HS3ST5: variants seen among roughly 807,000 people sequenced by gnomAD.
HS3ST5 encodes heparan sulfate glucosamine 3-O-sulfotransferase 5.
A neutral mutation model predicts 25.4 loss-of-function variants in HS3ST5; 10 were observed. That is an observed-to-expected ratio of 0.39 (90% CI 0.24 to 0.67). The LOEUF (loss-of-function observed/expected upper bound fraction) is 0.67. HS3ST5 is among the 30% of genes least tolerant of loss of function. HS3ST5 has a pLI of 0.44. For synonymous variants in HS3ST5, 170 were observed against 162.4 expected, an observed-to-expected ratio of 1.05 and a Z score of -0.36; for missense variants, 324 against 420.7, an observed-to-expected ratio of 0.77 and a Z score of 2.01.
chr6:114,093,648 C>G (rs1775263353), intron 3 of HS3ST5, among the ~76,000 whole-genome samples: 1 of 151,910 alleles, frequency 6.6e-6, no homozygotes. Context: ...TTTACCTGGG[C>G]TCCCCATTGT....
chr6:114,159,282 A>G (rs190911322), intron 3 of HS3ST5, among the ~76,000 whole-genome samples: 3 of 152,224 alleles, frequency 2.0e-5, no homozygotes, highest in African/African-American at 7.2e-5. Flanking sequence ...GCCAAAGGCC[A>G]TGTATAATAA....
At chr6:114,134,698 G>A (rs780030338) in intron 3 of HS3ST5, among the ~76,000 whole-genome samples, 5 of 152,100 alleles carry the variant, frequency 3.3e-5, no homozygotes, top group Non-Finnish European at 7.4e-5. Context: ...GTGCAACAAG[G>A]GCTGCTGGAA....
chr6:114,118,849 G>A (rs1194454769), intron 3 of HS3ST5, among the ~76,000 whole-genome samples: 1 of 152,194 alleles, frequency 6.6e-6, no homozygotes, highest in Non-Finnish European at 1.5e-5. Flanking sequence ...CAGTTGGTGT[G>A]AAATGTGGGT....
At chr6:114,067,036 T>G (rs1049982374) in intron 3 of HS3ST5, among the ~76,000 whole-genome samples, 7 of 152,248 alleles carry the variant, frequency 4.6e-5, no homozygotes, top group Non-Finnish European at 7.3e-5. Flanking sequence ...GGTCAGCCCC[T>G]GCACTGTTCT....
At chr6:114,330,865 G>T (rs574646947) in intron 1 of HS3ST5, among the ~76,000 whole-genome samples, 1 of 152,228 alleles carries the variant, frequency 6.6e-6, no homozygotes, top group Admixed American at 6.5e-5. Context: ...CTGATAGAAG[G>T]GGTCTTCCCA....
chr6:114,275,080 C>T (rs1773792163), intron 1 of HS3ST5, among the ~76,000 whole-genome samples: 1 of 151,918 alleles, frequency 6.6e-6, no homozygotes, highest in South Asian at 2.1e-4. Flanking sequence ...GACTTCCCTT[C>T]TCCCCCTCTC....
chr6:114,114,874 G>T (rs1307902191), intron 3 of HS3ST5, among the ~76,000 whole-genome samples: 1 of 152,048 alleles, frequency 6.6e-6, no homozygotes, highest in East Asian at 1.9e-4. Context: ...GTGTTAAAAG[G>T]TTATGTGAAC....
intron 3 of HS3ST5, among the ~76,000 whole-genome samples, chr6:114,162,037 T>A (rs550949606): frequency 6.6e-6 from 1 of 152,154 alleles, no homozygotes; most frequent in African/African-American, 2.4e-5. Context: ...CATTTTTTAG[T>A]TGAATTTTCA....
chr6:114,314,904 G>C (rs73544423), intron 1 of HS3ST5, among the ~76,000 whole-genome samples: 1 of 151,986 alleles, frequency 6.6e-6, no homozygotes, highest in Non-Finnish European at 1.5e-5. Flanking sequence ...AATGAATAAG[G>C]GTGCACCATT....
intron 3 of HS3ST5, among the ~76,000 whole-genome samples, chr6:114,111,542 A>G (rs1280096351): frequency 6.6e-6 from 1 of 152,096 alleles, no homozygotes; most frequent in African/African-American, 2.4e-5. Context: ...TGGGTGACAG[A>G]ACTCCCTCTC....
intron 3 of HS3ST5, among the ~76,000 whole-genome samples, chr6:114,080,945 C>T (rs1301118529): frequency 6.6e-6 from 1 of 152,036 alleles, no homozygotes; most frequent in African/African-American, 2.4e-5. Context: ...GTTGAAATTA[C>T]AACAAAAGTA....
At chr6:114,276,990 G>T (rs1773885352) in intron 1 of HS3ST5, among the ~76,000 whole-genome samples, 1 of 152,062 alleles carries the variant, frequency 6.6e-6, no homozygotes, top group South Asian at 2.1e-4. Flanking sequence ...AGGGAGTGGT[G>T]CATTTGGCAA....
At chr6:114,129,397 A>G (rs1477227077) in intron 3 of HS3ST5, among the ~76,000 whole-genome samples, 2 of 151,944 alleles carry the variant, frequency 1.3e-5, no homozygotes, top group African/African-American at 2.4e-5. Flanking sequence ...CTGGGACTAC[A>G]GGTGCCCACC....
At chr6:114,256,978 T>A (rs1292674862) in intron 1 of HS3ST5, among the ~76,000 whole-genome samples, 1 of 152,198 alleles carries the variant, frequency 6.6e-6, no homozygotes, top group African/African-American at 2.4e-5. Context: ...AAAAGACACC[T>A]CTTATATGGT....
At chr6:114,140,276 A>C (rs973593677) in intron 3 of HS3ST5, among the ~76,000 whole-genome samples, 4 of 152,160 alleles carry the variant, frequency 2.6e-5, no homozygotes, top group African/African-American at 9.7e-5. Flanking sequence ...ATTTTTGTAC[A>C]TTTTTATGGT....
intron 1 of HS3ST5, among the ~76,000 whole-genome samples, chr6:114,252,287 C>T (rs112489421): frequency 3.9e-5 from 6 of 152,148 alleles, no homozygotes; most frequent in African/African-American, 1.4e-4. Flanking sequence ...CAATTCTGTA[C>T]GAATTTAGCC....
chr6:114,216,990 C>T (rs1197867295), intron 2 of HS3ST5, among the ~76,000 whole-genome samples: 1 of 152,172 alleles, frequency 6.6e-6, no homozygotes, highest in African/African-American at 2.4e-5. Context: ...AGCTGACGGA[C>T]AGCTGTCCAG....
At chr6:114,172,180 C>A (rs922037639) in intron 2 of HS3ST5, among the ~76,000 whole-genome samples, 2 of 152,180 alleles carry the variant, frequency 1.3e-5, no homozygotes, top group Non-Finnish European at 2.9e-5. Flanking sequence ...CAGAATATTT[C>A]TTTCCTTTTC....
chr6:114,127,891 G>T (rs1046934634), intron 3 of HS3ST5, among the ~76,000 whole-genome samples: 2 of 150,508 alleles, frequency 1.3e-5, no homozygotes, highest in Non-Finnish European at 3.0e-5. Flanking sequence ...TATAGAGAGA[G>T]AGAGACATAT....
Sources: allele counts gnomAD v4.1 joint callset (sites outside exome capture counted in the v4.1 genomes callset), GRCh38; gene constraint gnomAD v4.1.1; transcripts MANE v1.5; gene names NCBI Gene and HGNC (gene_info 2026-07-23, HGNC 2026-07-21).